The following PTPN4 variants were observed in gnomAD, a reference collection of about 807,000 sequenced individuals.
The protein encoded by PTPN4 is tyrosine-protein phosphatase non-receptor type 4.
Under a neutral mutation model 135.5 loss-of-function variants are expected in PTPN4, and 49 were observed. The ratio of observed to expected loss-of-function variants is 0.36; its 90% CI spans 0.29 to 0.46. PTPN4 has a LOEUF of 0.46. Among genes scored for constraint, PTPN4 ranks in the 20% least tolerant of loss-of-function variants. The pLI, the probability that PTPN4 is intolerant of heterozygous loss-of-function variation, is 1.00. For synonymous variants in PTPN4, 333 were observed against 369.9 expected, an observed-to-expected ratio of 0.90 and a Z score of 1.14; for missense variants, 860 against 1,101.0, an observed-to-expected ratio of 0.78 and a Z score of 3.10.
chr2:119,838,982 GT>G (rs1047336094), intron 2 of PTPN4, among the ~76,000 whole-genome samples: 8 of 152,078 alleles, frequency 5.3e-5, no homozygotes, highest in African/African-American at 1.9e-4. Context: ...TTGCCTGTGA[GT>G]TTTCTTATGT....
chr2:119,847,297 CACACACACACACACACACAT>C (rs1677516163), intron 2 of PTPN4, among the ~76,000 whole-genome samples: 1 of 98,112 alleles, frequency 1.0e-5, no homozygotes, highest in Non-Finnish European at 2.0e-5. Context: ...CACACACACA[CACACACACACACACACACAT>C]ATATATATAT....
At chr2:119,785,280 T>C (rs1006358342) in intron 1 of PTPN4, among the ~76,000 whole-genome samples, 6 of 152,226 alleles carry the variant, frequency 3.9e-5, no homozygotes, top group Admixed American at 6.5e-5. Context: ...CACATTGATA[T>C]CACTTGCGGG....
chr2:119,796,860 T>TTGTGTG (rs112883330), intron 1 of PTPN4, among the ~76,000 whole-genome samples: 22 of 147,540 alleles, frequency 1.5e-4, no homozygotes, highest in African/African-American at 5.2e-4. Context: ...GTCACTGTTT[T>TTGTGTG]TGTGTGTGTG....
chr2:119,945,188 A>G lies in PTPN4; in HGVS notation c.1463A>G (p.Glu488Gly), dbSNP rs1488870246. The G allele has an allele frequency of 1.3e-6, 2 of 1,593,690 alleles. No individual in the cohort carries two copies. Among genetic ancestry groups the G allele is most frequent in the East Asian group, 4.6e-5 (2 of 43,368 alleles). Residue 488 changes from glutamate to glycine, a missense_variant, in exon 16 of 27, where the codon GAA (glutamate) becomes GGA (glycine). Glu to Gly is a moderately conservative substitution (Grantham distance 98). Coordinates refer to ENST00000263708, the MANE Select transcript of PTPN4 (RefSeq NM_002830.4). ...TATTCACATTCGCAACAAGATCTAG[A>G]AAGTCATATTAATGAAACATTTGAT... ...IHYSHSQQDL[E>G]SHINETFDIP...
chr2:119,904,303 T>C (rs1391508924), intron 10 of PTPN4, among the ~76,000 whole-genome samples: 1 of 151,896 alleles, frequency 6.6e-6, no homozygotes, highest in African/African-American at 2.4e-5. Context: ...AACAATAGAC[T>C]AGATTAAGCA....
At chr2:119,925,768 C>G (rs1678815272) in intron 12 of PTPN4, among the ~76,000 whole-genome samples, 1 of 152,178 alleles carries the variant, frequency 6.6e-6, no homozygotes, top group South Asian at 2.1e-4. Flanking sequence ...ACTATCAGAT[C>G]TATTACTTTC....
chr2:119,938,774 T>G (rs1679021945), intron 15 of PTPN4, among the ~76,000 whole-genome samples: 1 of 152,182 alleles, frequency 6.6e-6, no homozygotes, highest in Non-Finnish European at 1.5e-5. Context: ...GGGTGGGGGA[T>G]GCTTATTAGC....
In PTPN4 at chr2:119,977,591, C is replaced by G. The variant is rs1015233865; in HGVS notation, c.*521C>G. 4.6e-5 allele frequency: 7 copies of G among 152,342 alleles called. No homozygotes were observed. Among genetic ancestry groups the G allele is most frequent in the African/African-American group, 1.7e-4 (7 of 41,518 alleles). The allele number at this position is 152,342 out of a possible 1,614,324, so 9.4% of individuals were successfully genotyped here. On this transcript the variant is annotated 3_prime_UTR_variant, in exon 27 of 27. Coordinates refer to ENST00000263708, the MANE Select transcript of PTPN4 (RefSeq NM_002830.4). ...GCAGCACATTTTTCCCTGCACACCC[C>G]CTGTAGAGACCTGCCTGCTGCTCAG...
chr2:119,924,000 A>G (rs568825646), intron 12 of PTPN4, among the ~76,000 whole-genome samples: 5 of 151,868 alleles, frequency 3.3e-5, no homozygotes, highest in South Asian at 2.1e-4. Flanking sequence ...AGCCGGGCGT[A>G]GTGGTGGGCA....
At chr2:119,867,193 C>T (rs1226383120) in intron 3 of PTPN4, among the ~76,000 whole-genome samples, 1 of 152,126 alleles carries the variant, frequency 6.6e-6, no homozygotes, top group Non-Finnish European at 1.5e-5. Flanking sequence ...AAAAATCAAA[C>T]TTACCTATGA....
rs899692318 is a variant in PTPN4 at position 119,977,193 on chromosome 2, G to A, written c.*123G>A. ...AAAATGAAGAACTCAAAAAAACTTT[G>A]AAAACTTCAGCACTGTTGCACTTTA... On this transcript the variant is annotated 3_prime_UTR_variant, in exon 27 of 27. Transcript: ENST00000263708. 3 of 1,372,644 alleles carry A rather than the reference G, an allele frequency of 2.2e-6. No individual in the cohort carries two copies. The highest frequency in any genetic ancestry group is 3.0e-5 in the African/African-American group (2 of 66,456). 85.0% of individuals were successfully genotyped at this position (1,372,644 alleles called of 1,614,324 possible).
chr2:119,947,864 C>T (rs182888175), intron 18 of PTPN4, among the ~76,000 whole-genome samples: 15 of 152,048 alleles, frequency 9.9e-5, no homozygotes, highest in African/African-American at 3.4e-4. Flanking sequence ...GATCCTCAAT[C>T]CATGTAGTAG....
intron 19 of PTPN4, among the ~76,000 whole-genome samples, chr2:119,954,082 ATT>A (rs755045901): frequency 1.3e-5 from 2 of 152,154 alleles, no homozygotes; most frequent in Non-Finnish European, 2.9e-5. Context: ...CCAAGAATAT[ATT>A]TTTGTTTTTC....
chr2:119,913,454 T>C (rs1218037075), intron 10 of PTPN4, among the ~76,000 whole-genome samples: 1 of 152,182 alleles, frequency 6.6e-6, no homozygotes, highest in Non-Finnish European at 1.5e-5. Flanking sequence ...CAAGTACTTA[T>C]TATTGTTTCA....
At chr2:119,859,536 T>A (rs1455309047) in intron 2 of PTPN4, among the ~76,000 whole-genome samples, 5 of 152,218 alleles carry the variant, frequency 3.3e-5, no homozygotes, top group African/African-American at 7.2e-5. Context: ...TCCTGAATCT[T>A]CTTCCTCCTG....
chr2:119,845,253 GGAGGGGGAGGGGGAGGGA>G (rs1408230810), intron 2 of PTPN4, among the ~76,000 whole-genome samples: 4 of 71,634 alleles, frequency 5.6e-5, no homozygotes, highest in Non-Finnish European at 1.2e-4. Context: ...AGGGGGAGGG[GGAGGGGGAGGGGGAGGGA>G]GAGGGAGAGG....
chr2:119,862,906 A>G lies in PTPN4; in HGVS notation c.246+263A>G, dbSNP rs541657585. ...CTCAGACAACTAAAAAGTAAATCCA[A>G]TTTATGCCTGTTGACTGAAAGAGAG... On this transcript the variant is annotated intron_variant, in intron 3 of 26. Transcript: ENST00000263708. Among the ~76,000 whole-genome samples the G allele has an allele frequency of 2.6e-5, 4 of 152,240 alleles. 1 individual carries two copies. The highest frequency in any genetic ancestry group is 9.6e-5 in the African/African-American group (4 of 41,566).
At chr2:119,893,540 G>C (rs181078713) in intron 9 of PTPN4, among the ~76,000 whole-genome samples, 6 of 152,160 alleles carry the variant, frequency 3.9e-5, no homozygotes, top group Non-Finnish European at 7.4e-5. Flanking sequence ...AATTGTTAGC[G>C]TATAGTTAAT....
intron 10 of PTPN4, 45 bp from the exon 11 acceptor site, chr2:119,915,134 T>C: frequency 7.1e-7 from 1 of 1,409,254 alleles, no homozygotes; most frequent in Non-Finnish European, 9.5e-7. Context: ...GTTAATATTT[T>C]TATCATTATT....
Sources: allele counts gnomAD v4.1 joint callset (sites outside exome capture counted in the v4.1 genomes callset), GRCh38; gene constraint gnomAD v4.1.1; transcripts MANE v1.5; gene names NCBI Gene and HGNC (gene_info 2026-07-23, HGNC 2026-07-21).